The following TG variants were observed in gnomAD, a reference collection of about 807,000 sequenced individuals.
TG encodes the protein thyroglobulin.
A neutral mutation model predicts 324.7 loss-of-function variants in TG; 270 were observed. The ratio of observed to expected loss-of-function variants is 0.83; its 90% CI spans 0.75 to 0.92. The LOEUF (loss-of-function observed/expected upper bound fraction) is 0.92. Ranked by LOEUF, TG falls within the 40% of genes least tolerant of loss-of-function variation. The probability of loss-of-function intolerance (pLI) is 0.00; values close to 1 mark genes in which losing one functional copy is unlikely to be tolerated. For synonymous variants in TG, 1,401 were observed against 1,327.0 expected, an observed-to-expected ratio of 1.06 and a Z score of -1.21; for missense variants, 3,591 against 3,456.4, an observed-to-expected ratio of 1.04 and a Z score of -0.98.
At chr8:132,895,177 T>C (rs762127886) in intron 11 of TG, among the ~76,000 whole-genome samples, 9 of 152,284 alleles carry the variant, frequency 5.9e-5, no homozygotes, top group Non-Finnish European at 1.3e-4. Context: ...TTAATCTGTC[T>C]TTGAATCTTA....
At chr8:132,929,249 G>A in intron 23 of TG, 57 bp downstream of exon 23, 1 of 1,308,358 alleles carries the variant, frequency 7.6e-7, no homozygotes, top group South Asian at 1.2e-5. Flanking sequence ...AAGCTCTGCT[G>A]AGAGTTGTCG....
Position 133,020,499 on chromosome 8 carries a change from C to T in TG, c.6876+804C>T, listed in dbSNP as rs1188344023. 3.3e-5 allele frequency among the ~76,000 whole-genome samples: 5 copies of T among 152,232 alleles called. No homozygotes were observed. In the South Asian group the frequency reaches 6.2e-4, roughly 19 times the overall value. On this transcript the variant is annotated intron_variant, in intron 39 of 47. Transcript: ENST00000220616. ...GGTGAGCTACCCAATAAAGATGAGT[C>T]GGGCACTTTTAGGAGGGGGACACAG...
intron 35 of TG, among the ~76,000 whole-genome samples, chr8:133,010,263 T>C (rs936424141): frequency 6.6e-6 from 1 of 152,188 alleles, no homozygotes; most frequent in Non-Finnish European, 1.5e-5. Flanking sequence ...AAAGAGGCAC[T>C]AGAGCCCCTA....
intron 42 of TG, among the ~76,000 whole-genome samples, 197 bp from the exon 43 acceptor site, chr8:133,096,009 G>T (rs1033675504): frequency 1.3e-5 from 2 of 152,198 alleles, no homozygotes; most frequent in Non-Finnish European, 1.5e-5. Flanking sequence ...CATCATTGCT[G>T]AGAGTGAGAT....
intron 35 of TG, among the ~76,000 whole-genome samples, chr8:133,007,321 A>AT (rs1365165851): frequency 6.6e-6 from 1 of 151,572 alleles, no homozygotes; most frequent in Non-Finnish European, 1.5e-5. Context: ...GTGTTTTTAA[A>AT]TTTTTTTTTA....
chr8:133,049,776 G>A, intron 41 of TG: 1 of 722,490 alleles, frequency 1.4e-6, no homozygotes, highest in Non-Finnish European at 2.5e-6. Flanking sequence ...TGGGTTGGGA[G>A]CAGGACTATC....
chr8:133,102,882 C>T (rs1849441466), intron 43 of TG: 3 of 330,596 alleles, frequency 9.1e-6, no homozygotes, highest in Admixed American at 8.4e-5. Context: ...CGTCTGGGAG[C>T]AGGTGGAGTG....
intron 45 of TG, among the ~76,000 whole-genome samples, chr8:133,130,924 GAA>G (rs1276473373): frequency 6.6e-6 from 1 of 152,140 alleles, no homozygotes; most frequent in African/African-American, 2.4e-5. Context: ...ACTGGAGGAA[GAA>G]AGAGGAGGGG....
intron 26 of TG, among the ~76,000 whole-genome samples, chr8:132,942,193 G>C (rs941474784): frequency 2.6e-5 from 4 of 152,304 alleles, no homozygotes; most frequent in African/African-American, 9.6e-5. Context: ...TCACTTTCTG[G>C]CTGTGCGATC....
At chr8:133,078,838 G>A (rs1171361313) in intron 41 of TG, among the ~76,000 whole-genome samples, 3 of 152,210 alleles carry the variant, frequency 2.0e-5, no homozygotes, top group Admixed American at 6.5e-5. Flanking sequence ...AGAATTCTCA[G>A]GTAGAGCATG....
intron 41 of TG, among the ~76,000 whole-genome samples, chr8:133,086,179 G>A (rs1418234501): frequency 6.6e-6 from 1 of 152,202 alleles, no homozygotes; most frequent in Non-Finnish European, 1.5e-5. Flanking sequence ...AAGTAGATTA[G>A]TGATGGCCTG....
chr8:132,989,867 C>G (rs1030307969), intron 35 of TG, among the ~76,000 whole-genome samples: 5 of 152,150 alleles, frequency 3.3e-5, no homozygotes, highest in African/African-American at 1.2e-4. Flanking sequence ...GCTTTGAGGT[C>G]CACCTGGGCA....
At chr8:132,925,516 C>CGTGTGTGTGTGTGTGTGTGTGT (rs139966752) in intron 22 of TG, among the ~76,000 whole-genome samples, 97 of 144,820 alleles carry the variant, frequency 6.7e-4, no homozygotes, top group African/African-American at 2.3e-3. Context: ...CTAAGGAGTG[C>CGTGTGTGTGTGTGTGTGTGTGT]GTGTGTGTGT....
chr8:133,064,918 C>G (rs2248331), intron 41 of TG, among the ~76,000 whole-genome samples: 121,094 of 151,508 alleles, frequency 0.8, 48,548 homozygotes, highest in Admixed American at 0.85. Context: ...GAAGGGGAGA[C>G]AAATTGAGGA....
intron 41 of TG, among the ~76,000 whole-genome samples, chr8:133,066,344 A>AG (rs1554714560): frequency 6.6e-6 from 1 of 150,640 alleles, no homozygotes; most frequent in Middle Eastern, 3.2e-3. Flanking sequence ...AAAAAAAAAA[A>AG]GCTGTTACTG....
At chr8:133,048,385 A>T (rs2739173) in intron 41 of TG, among the ~76,000 whole-genome samples, 23,332 of 151,970 alleles carry the variant, frequency 0.15, 2,530 homozygotes, top group East Asian at 0.48. Context: ...CACGTCTGGC[A>T]ACTTTTTGTG....
chr8:132,963,162 G>T (rs560833400), intron 29 of TG, 88 bp downstream of exon 29: 4 of 1,130,416 alleles, frequency 3.5e-6, no homozygotes, highest in South Asian at 1.2e-5. Flanking sequence ...ATGAACGGAC[G>T]TATTGACATC....
chr8:132,983,323 A>G (rs1216221417), intron 34 of TG, 27 bp from the exon 35 acceptor site: 1 of 1,613,364 alleles, frequency 6.2e-7, no homozygotes, highest in Non-Finnish European at 8.5e-7. Context: ...GTAGAAAAGA[A>G]CTGAAAGACT....
rs1323186364 is a variant in TG, at chr8:132,888,448, G to A, written c.2641G>A (p.Gly881Arg). ...AAATGGCCAACTCAGCCAATACCCG[G>A]GGTCCTACTCAGACTTCAGCACTCC... ...ILNGQLSQYP[G>R]SYSDFSTPLA... The change falls in exon 10 of 48, where the codon GGG (glycine) becomes AGG (arginine). Residue 881 changes from glycine to arginine, a missense_variant. Physicochemically the swap from Gly to Arg is moderately radical, Grantham distance 125. Transcript: ENST00000220616. The A allele has an allele frequency of 6.2e-7, 1 of 1,612,346 alleles. No individual in the cohort carries two copies. Among genetic ancestry groups the A allele is most frequent in the African/African-American group, 1.3e-5 (1 of 75,010 alleles).
Sources: gnomAD v4.1 joint callset for allele counts (sites outside exome capture counted in the v4.1 genomes callset) on GRCh38, gnomAD v4.1.1 for gene constraint, MANE v1.5 for transcripts, NCBI Gene and HGNC (gene_info 2026-07-23, HGNC 2026-07-21) for gene names.